The following RIMBP2 variants were observed in gnomAD, a reference collection of about 807,000 sequenced individuals.
RIMBP2 encodes RIMS-binding protein 2.
A neutral mutation model predicts 118.6 loss-of-function variants in RIMBP2; 48 were observed. That is an observed-to-expected ratio of 0.40 (90% CI 0.32 to 0.51). The LOEUF is 0.51. Ranked by LOEUF, RIMBP2 falls within the 20% of genes least tolerant of loss-of-function variation. The pLI is 0.41. For synonymous variants in RIMBP2, 762 were observed against 742.9 expected, an observed-to-expected ratio of 1.03 and a Z score of -0.42; for missense variants, 1,551 against 1,768.3, an observed-to-expected ratio of 0.88 and a Z score of 2.20.
rs1003399538 is a variant in RIMBP2 at position 130,424,583 on chromosome 12, G to A, written c.2688C>T (p.His896=). The part of the protein sequence containing the change: ...VKHRGSGAVP[H]VEDFLLEDRG... The stretch of plus-strand genomic sequence containing the variant: ...TGTCTTCCAGAAGGAAGTCCTCCAC[G>A]TGGGGGACGGCCCCCGAGCCCCTGT... The change falls in exon 16 of 23, where the codon CAC becomes CAT. Residue 896 remains histidine, a synonymous_variant. Transcript: ENST00000690449. This position sits in a 1 kb window ranked among gnomAD's most constrained non-coding sequence, Gnocchi z 9.8. 1.3e-4 allele frequency: 155 copies of A among 1,231,952 alleles called. No homozygotes were observed. Among genetic ancestry groups the A allele is most frequent in the African/African-American group, 5.9e-4 (38 of 64,514 alleles). 76.3% of individuals were successfully genotyped at this position (1,231,952 alleles called of 1,614,324 possible). A position where few individuals can be genotyped will look rare whatever the true frequency, so the allele number is the denominator to read the frequency against.
At chr12:130,557,576 G>T (rs755767047) in intron 2 of RIMBP2, among the ~76,000 whole-genome samples, 1 of 152,158 alleles carries the variant, frequency 6.6e-6, no homozygotes, top group Non-Finnish European at 1.5e-5. Flanking sequence ...CACGGACTCT[G>T]AGCAGAAGTC....
intron 1 of RIMBP2, among the ~76,000 whole-genome samples, chr12:130,678,697 T>C (rs569527568): frequency 1.3e-3 from 195 of 152,292 alleles, no homozygotes; most frequent in Middle Eastern, 3.4e-3. Flanking sequence ...TTTGTATTTT[T>C]AGTAGAGACG....
intron 1 of RIMBP2, among the ~76,000 whole-genome samples, chr12:130,646,841 C>T (rs554768941): frequency 1.3e-5 from 2 of 152,380 alleles, no homozygotes; most frequent in South Asian, 2.1e-4. Context: ...AGTTCAGACT[C>T]TGCAGCCACG....
At chr12:130,595,670 G>A (rs2059514895) in intron 2 of RIMBP2, among the ~76,000 whole-genome samples, 1 of 52,082 alleles carries the variant, frequency 1.9e-5, no homozygotes, top group African/African-American at 5.1e-5. Flanking sequence ...CAAAGAGCCT[G>A]TGTGAGAACA....
At chr12:130,657,902 A>G (rs1249574155) in intron 1 of RIMBP2, 4 of 152,238 alleles carry the variant, frequency 2.6e-5, no homozygotes, top group Non-Finnish European at 5.9e-5. Context: ...TTGGTGTTCT[A>G]TTTATCTGGC....
chr12:130,668,062 C>A (rs2064028024), intron 1 of RIMBP2: 1 of 152,172 alleles, frequency 6.6e-6, no homozygotes, highest in African/African-American at 2.4e-5. Flanking sequence ...TTCAGAAGCA[C>A]AAGTGGCCCG....
At chr12:130,586,458 G>T (rs73156945) in intron 2 of RIMBP2, among the ~76,000 whole-genome samples, 6,454 of 152,160 alleles carry the variant, frequency 0.042, 195 homozygotes, top group Non-Finnish European at 0.069. Context: ...ATCTCAAAAA[G>T]AATAAGAAGA....
At chr12:130,485,327 A>C (rs7971849) in intron 4 of RIMBP2, among the ~76,000 whole-genome samples, 4,220 of 152,364 alleles carry the variant, frequency 0.028, 109 homozygotes, top group African/African-American at 0.065. Flanking sequence ...GCAGAGCAAC[A>C]GACTCAGGGA....
intron 4 of RIMBP2, among the ~76,000 whole-genome samples, chr12:130,485,815 C>G (rs1460489212): frequency 6.6e-6 from 1 of 152,062 alleles, no homozygotes; most frequent in East Asian, 1.9e-4. Flanking sequence ...TTCGGGGTGC[C>G]AGTGAGATGA....
intron 11 of RIMBP2, among the ~76,000 whole-genome samples, chr12:130,439,270 G>A (rs2077821603): frequency 6.6e-6 from 1 of 151,954 alleles, no homozygotes; most frequent in Admixed American, 6.6e-5. Context: ...GTGTATGTGT[G>A]TATGTACATT....
intron 12 of RIMBP2, 30 bp downstream of exon 12, chr12:130,438,335 A>ACGGGGGGGCCCCCCCCCCC: frequency 2.3e-6 from 2 of 865,014 alleles, no homozygotes; most frequent in East Asian, 2.8e-5. Flanking sequence ...GGCCTAACAA[A>ACGGGGGGGCCCCCCCCCCC]CCCTCCCCAC....
At chr12:130,624,318 G>A (rs1203345653) in intron 2 of RIMBP2, among the ~76,000 whole-genome samples, 1 of 152,224 alleles carries the variant, frequency 6.6e-6, no homozygotes, top group East Asian at 1.9e-4. Context: ...AGATACATGA[G>A]ATTTTACAAA....
Position 130,450,362 on chromosome 12 carries a change from G to A in RIMBP2, c.505-86C>T, listed in dbSNP as rs1464901494. The A allele has an allele frequency of 1.0e-6, 1 of 1,000,246 alleles. No individual in the cohort carries two copies. The highest frequency in any genetic ancestry group is 1.6e-5 in the African/African-American group (1 of 62,248). 62.0% of individuals were successfully genotyped at this position (1,000,246 alleles called of 1,614,324 possible). The stretch of plus-strand genomic sequence containing the variant: ...GCGGCACACGGGAAAGCCCCTCGCA[G>A]CTTCCTGGGCCCCAGGAGGGACGGC... On this transcript the variant is annotated intron_variant, in intron 8 of 22. Coordinates refer to ENST00000690449, the MANE Select transcript of RIMBP2 (RefSeq NM_001393629.1). The surrounding 1 kb of genome is among the most constrained non-coding windows in gnomAD (Gnocchi z 4.8).
At chr12:130,674,149 G>A (rs754833440) in intron 1 of RIMBP2, among the ~76,000 whole-genome samples, 2 of 151,936 alleles carry the variant, frequency 1.3e-5, no homozygotes, top group Non-Finnish European at 2.9e-5. Context: ...TGTGTGTGGC[G>A]CCTCCTCCTT....
intron 17 of RIMBP2, among the ~76,000 whole-genome samples, chr12:130,416,428 C>G (rs747637274): frequency 6.6e-6 from 1 of 152,142 alleles, no homozygotes; most frequent in Non-Finnish European, 1.5e-5. Flanking sequence ...CACATGCCTA[C>G]AACCCTCTGA....
chr12:130,523,807 G>A lies in RIMBP2; in HGVS notation c.-216-5890C>T, dbSNP rs564919658. ...CAGACAGCGCAGGGCATTCTGGGTT[G>A]AGATGTCAGGAACGCCAGTTGCTAT... On this transcript the variant is annotated intron_variant, in intron 2 of 22. Coordinates refer to ENST00000690449, the MANE Select transcript of RIMBP2 (RefSeq NM_001393629.1). This position sits in a 1 kb window ranked among gnomAD's most constrained non-coding sequence, Gnocchi z 4.4. Among the ~76,000 whole-genome samples, 4 of 152,202 alleles carry A rather than the reference G, an allele frequency of 2.6e-5. No individual in the cohort carries two copies. The highest frequency in any genetic ancestry group is 5.9e-5 in the Non-Finnish European group (4 of 68,040).
chr12:130,425,252 C>A (rs2076709191), intron 15 of RIMBP2: 1 of 169,420 alleles, frequency 5.9e-6, no homozygotes, highest in African/African-American at 2.4e-5. Flanking sequence ...TCCTCAGAAA[C>A]CCTGAGGGCA....
chr12:130,556,867 G>A (rs1029017752), intron 2 of RIMBP2, among the ~76,000 whole-genome samples: 1 of 152,206 alleles, frequency 6.6e-6, no homozygotes, highest in African/African-American at 2.4e-5. Context: ...CAGTGAGCAA[G>A]TGAGCCAGCA....
At chr12:130,714,125 C>G (rs1950159168) in intron 1 of RIMBP2, among the ~76,000 whole-genome samples, 1 of 152,232 alleles carries the variant, frequency 6.6e-6, no homozygotes, top group Non-Finnish European at 1.5e-5. Context: ...TCCAAAAATA[C>G]AAACGTGGCA....
Sources: allele counts gnomAD v4.1 joint callset (sites outside exome capture counted in the v4.1 genomes callset), GRCh38; gene constraint gnomAD v4.1.1; non-coding constraint Gnocchi (gnomAD v3.1); transcripts MANE v1.5; gene names NCBI Gene and HGNC (gene_info 2026-07-23, HGNC 2026-07-21).